KDM5A: variants seen among roughly 807,000 people sequenced by gnomAD.
The protein encoded by KDM5A is lysine demethylase 5A.
Under a neutral mutation model 193.5 loss-of-function variants are expected in KDM5A, and 42 were observed. That is an observed-to-expected ratio of 0.22 (90% CI 0.17 to 0.28). The LOEUF (loss-of-function observed/expected upper bound fraction) is 0.28, where lower values mean the gene tolerates loss of function less well. Among genes scored for constraint, KDM5A ranks in the 10% least tolerant of loss-of-function variants. KDM5A has a pLI of 1.00. For missense variants in KDM5A, 1,692 were observed against 2,055.1 expected, an observed-to-expected ratio of 0.82 and a Z score of 3.42; for synonymous variants, 796 against 718.1, an observed-to-expected ratio of 1.11 and a Z score of -1.73.
At chr12:296,933 C>T in intron 25 of KDM5A, 108 bp downstream of exon 25, 1 of 1,162,784 alleles carries the variant, frequency 8.6e-7, no homozygotes, top group Non-Finnish European at 1.2e-6. Context: ...TATTTCATGG[C>T]CAACCATTGT....
At chr12:321,295 T>G (rs1943712915) in intron 17 of KDM5A, among the ~76,000 whole-genome samples, 186 bp from the exon 18 acceptor site, 1 of 152,220 alleles carries the variant, frequency 6.6e-6, no homozygotes. Flanking sequence ...AAGATTCAAC[T>G]CTCCAAGTTA....
At chr12:344,551 G>C (rs1944046435) in intron 10 of KDM5A, among the ~76,000 whole-genome samples, 1 of 152,254 alleles carries the variant, frequency 6.6e-6, no homozygotes, top group African/African-American at 2.4e-5. Context: ...AAGCCCATCA[G>C]ACTAACAGCG....
intron 10 of KDM5A, among the ~76,000 whole-genome samples, chr12:338,009 A>G (rs188201238): frequency 1.2e-4 from 19 of 152,330 alleles, no homozygotes; most frequent in African/African-American, 4.6e-4. Context: ...TGCATAATAA[A>G]TTCCCACTGA....
At chr12:356,119 G>A (rs1432051586) in intron 6 of KDM5A, among the ~76,000 whole-genome samples, 3 of 152,090 alleles carry the variant, frequency 2.0e-5, no homozygotes, top group Non-Finnish European at 4.4e-5. Context: ...TTTAGCTCAC[G>A]AGGTAAGAAC....
At chr12:375,374 A>G (rs1174496432) in intron 3 of KDM5A, among the ~76,000 whole-genome samples, 1 of 152,178 alleles carries the variant, frequency 6.6e-6, no homozygotes, top group Non-Finnish European at 1.5e-5. Flanking sequence ...TGGCTACTGA[A>G]GCTTGTGCAT....
intron 10 of KDM5A, among the ~76,000 whole-genome samples, chr12:347,693 G>A (rs1944096353): frequency 6.6e-6 from 1 of 152,134 alleles, no homozygotes; most frequent in African/African-American, 2.4e-5. Context: ...ACGGTCCTGG[G>A]AAAACTGGCT....
In KDM5A at chr12:309,923, G is replaced by C; in HGVS notation, c.3258C>G (p.Gly1086=). Residue 1086 remains glycine (G), a synonymous_variant, in exon 22 of 28, where the codon GGC becomes GGG. Transcript: ENST00000399788. ...CTTTTACTTTTTTCCTCCTATTTTT[G>C]CCACTCCCATATACACCAATGTCGG... ...PRTDIGVYGS[G]KNRRKKVKEL... is the part of the protein sequence containing the mutation. The C allele has an allele frequency of 1.2e-6, 2 of 1,612,302 alleles. No individual in the cohort carries two copies. The highest frequency in any genetic ancestry group is 1.7e-6 in the Non-Finnish European group (2 of 1,179,614).
At chr12:324,390 G>A (rs535413002) in intron 14 of KDM5A, among the ~76,000 whole-genome samples, 6 of 152,170 alleles carry the variant, frequency 3.9e-5, no homozygotes, top group Non-Finnish European at 5.9e-5. Context: ...GGGGGTGGCC[G>A]GCTATACACC....
rs572127767 is a variant in KDM5A at position 352,097 on chromosome 12, C to T, written c.1149+108G>A. On this transcript the variant is annotated intron_variant, in intron 9 of 27. Coordinates refer to ENST00000399788, the MANE Select transcript of KDM5A (RefSeq NM_001042603.3). ...CCAGCCTGGGCGACAAAGCAAGACT[C>T]CGTCTCAAAAAAAAAAAAAAAAAAA... is the stretch of plus-strand genomic sequence containing the variant. 6.4e-5 allele frequency: 61 copies of T among 955,328 alleles called. No individual in the cohort carries two copies. In the Middle Eastern group the frequency reaches 2.4e-3, roughly 37 times the overall value. The allele number at this position is 955,328 out of a possible 1,614,324, so 59.2% of individuals were successfully genotyped here.
intron 10 of KDM5A, among the ~76,000 whole-genome samples, chr12:340,694 C>CA (rs375465074): frequency 0.24 from 12,074 of 50,756 alleles, 1,437 homozygotes; most frequent in Non-Finnish European, 0.3. Context: ...GACTCCATCA[C>CA]AAAAAAAAAA....
intron 10 of KDM5A, among the ~76,000 whole-genome samples, chr12:345,999 A>G (rs1944068957): frequency 6.6e-6 from 1 of 152,198 alleles, no homozygotes; most frequent in Non-Finnish European, 1.5e-5. Flanking sequence ...GAAAAGATCA[A>G]CAAAATTGAT....
Position 284,749 on chromosome 12 carries a change from G to A in KDM5A, c.*707C>T. 1 of 232,978 alleles carries A rather than the reference G, an allele frequency of 4.3e-6. No individual in the cohort carries two copies. The highest frequency in any genetic ancestry group is 8.5e-6 in the Non-Finnish European group (1 of 117,816). The allele number at this position is 232,978 out of a possible 1,614,324, so 14.4% of individuals were successfully genotyped here. ...AAAACGGCTCCTTGCCTTGTAGTAG[G>A]TTCTTCTCCTCAGAATCCAATCTAG... On this transcript the variant is annotated 3_prime_UTR_variant, in exon 28 of 28. Coordinates refer to ENST00000399788, the MANE Select transcript of KDM5A (RefSeq NM_001042603.3).
chr12:332,943 T>G (rs977907418), intron 12 of KDM5A: 4 of 159,310 alleles, frequency 2.5e-5, no homozygotes, highest in Admixed American at 5.9e-5. Context: ...GAAGGTTATA[T>G]GAATAGGTAG....
rs373557320 is a variant in KDM5A, at chr12:319,794, C to A, written c.2541+1201G>T. ...GAAAAGAAAAAAAGCCTTTAAGATGCCTTTTAGTCCACCAAATGGAAATCC... is the reference window on the plus strand; with the variant it reads ...GAAAAGAAAAAAAGCCTTTAAGATGACTTTTAGTCCACCAAATGGAAATCC... On this transcript the variant is annotated intron_variant, in intron 18 of 27. Coordinates refer to ENST00000399788, the MANE Select transcript of KDM5A (RefSeq NM_001042603.3). 3.3e-5 allele frequency among the ~76,000 whole-genome samples: 5 copies of A among 152,160 alleles called. No homozygotes were observed. In the East Asian group the frequency reaches 7.7e-4, roughly 24 times the overall value.
intron 3 of KDM5A, among the ~76,000 whole-genome samples, chr12:368,475 T>C (rs570730458): frequency 8.3e-4 from 127 of 152,310 alleles, no homozygotes; most frequent in African/African-American, 3.0e-3. Flanking sequence ...CTCACATCTG[T>C]AATCCCAGCA....
intron 24 of KDM5A, among the ~76,000 whole-genome samples, chr12:303,834 A>G (rs1591902913): frequency 1.3e-5 from 2 of 152,222 alleles, no homozygotes; most frequent in African/African-American, 2.4e-5. Flanking sequence ...TAATACAAGT[A>G]TATGTCTGAC....
intron 5 of KDM5A, among the ~76,000 whole-genome samples, chr12:357,826 T>TAAAAAAAA (rs1228761448): frequency 1.8e-4 from 1 of 5,562 alleles, no homozygotes; most frequent in Non-Finnish European, 4.2e-4. Flanking sequence ...AGACTCAGTC[T>TAAAAAAAA]CAAAAAAAAA....
chr12:381,469 T>C (rs745482968), intron 3 of KDM5A, among the ~76,000 whole-genome samples: 7 of 152,146 alleles, frequency 4.6e-5, no homozygotes, highest in Non-Finnish European at 1.0e-4. Context: ...ATTCAGAATC[T>C]TAAACAGCAT....
intron 10 of KDM5A, among the ~76,000 whole-genome samples, chr12:345,022 A>C (rs1257616747): frequency 6.6e-6 from 1 of 152,176 alleles, no homozygotes; most frequent in Non-Finnish European, 1.5e-5. Flanking sequence ...CAGGAGACCC[A>C]TCTCACGTGC....
Sources: gnomAD v4.1 joint callset for allele counts (sites outside exome capture counted in the v4.1 genomes callset) on GRCh38, gnomAD v4.1.1 for gene constraint, MANE v1.5 for transcripts, NCBI Gene and HGNC (gene_info 2026-07-23, HGNC 2026-07-21) for gene names.